The following GALNT2 variants were observed in gnomAD, a reference collection of about 807,000 sequenced individuals.
GALNT2 encodes the protein UDP-GalNAc:polypeptide N-acetylgalactosaminyltransferase 2.
GALNT2 carries 31 observed loss-of-function variants against 81.4 expected under a neutral mutation model. That is an observed-to-expected ratio of 0.38 (90% CI 0.29 to 0.51). The LOEUF (loss-of-function observed/expected upper bound fraction) is 0.51. Ranked by LOEUF, GALNT2 falls within the 20% of genes least tolerant of loss-of-function variation. The pLI is 0.87. For synonymous variants in GALNT2, 303 were observed against 287.4 expected (o/e 1.05, Z -0.55); for missense variants, 629 against 765.7 (o/e 0.82, Z 2.11).
At chr1:230,167,041 C>T (rs992878725) in intron 1 of GALNT2, among the ~76,000 whole-genome samples, 10 of 151,114 alleles carry the variant, frequency 6.6e-5, no homozygotes, top group Non-Finnish European at 1.2e-4. Flanking sequence ...TTTTCCATTT[C>T]GTTTGTAACC....
chr1:230,233,821 A>G (rs1187662224), intron 3 of GALNT2, among the ~76,000 whole-genome samples: 1 of 152,196 alleles, frequency 6.6e-6, no homozygotes, highest in African/African-American at 2.4e-5. Context: ...GAAGGGCCAG[A>G]TGGTTGAAGC....
chr1:230,275,049 A>G lies in GALNT2; in HGVS notation c.1560+485A>G, dbSNP rs151212421. On this transcript the variant is annotated intron_variant, in intron 15 of 15. Transcript: ENST00000366672. This position sits in a 1 kb window ranked among gnomAD's most constrained non-coding sequence, Gnocchi z 5.5. ...ACACGCCACATATATACACATATATACATGCCACATATATACGTATATATA... is the reference window on the plus strand; with the variant it reads ...ACACGCCACATATATACACATATATGCATGCCACATATATACGTATATATA... Among the ~76,000 whole-genome samples the G allele has an allele frequency of 8.3e-4, 126 of 151,556 alleles. No individual in the cohort carries two copies. Among genetic ancestry groups the G allele is most frequent in the African/African-American group, 2.9e-3 (120 of 41,380 alleles).
intron 6 of GALNT2, among the ~76,000 whole-genome samples, chr1:230,240,332 G>A (rs1048153057): frequency 1.3e-5 from 2 of 152,220 alleles, no homozygotes; most frequent in Non-Finnish European, 2.9e-5. Flanking sequence ...AGTGGCTCAC[G>A]CCTGTAATCC....
intron 3 of GALNT2, among the ~76,000 whole-genome samples, chr1:230,215,620 A>G (rs1328773623): frequency 6.6e-6 from 1 of 152,212 alleles, no homozygotes; most frequent in East Asian, 1.9e-4. Context: ...AATAATGTCT[A>G]TCTCGAAGGA....
intron 1 of GALNT2, among the ~76,000 whole-genome samples, chr1:230,094,276 G>A (rs1571954546): frequency 2.1e-5 from 3 of 144,504 alleles, no homozygotes; most frequent in African/African-American, 7.7e-5. Flanking sequence ...CTCTTAAAAT[G>A]CTGGGATTAC....
chr1:230,151,736 G>A (rs773638764), intron 1 of GALNT2, among the ~76,000 whole-genome samples: 3 of 151,756 alleles, frequency 2.0e-5, no homozygotes, highest in Non-Finnish European at 2.9e-5. Context: ...CTTGGATCTC[G>A]CTCAAGAAAG....
At chr1:230,189,951 T>C (rs914714562) in intron 2 of GALNT2, among the ~76,000 whole-genome samples, 2 of 152,226 alleles carry the variant, frequency 1.3e-5, no homozygotes, top group Non-Finnish European at 2.9e-5. Flanking sequence ...TTCACCCATG[T>C]TGTGGGTCAG....
At chr1:230,250,257 G>A (rs983653292) in intron 9 of GALNT2, among the ~76,000 whole-genome samples, 200 bp from the exon 10 acceptor site, 3 of 152,236 alleles carry the variant, frequency 2.0e-5, no homozygotes, top group African/African-American at 7.2e-5. Context: ...AGGGACAGTG[G>A]GGGAGGCATT....
At position 230,255,203 on chromosome 1, in the gene GALNT2, T is replaced by G; in HGVS notation, c.1010-15T>G. ...CAGGCTCTGTCAGTCACCTGTGTCT[T>G]GTTCATCGTCTCAGAGATCTCGTTC... On this transcript the variant is annotated splice_polypyrimidine_tract_variant and intron_variant, in intron 10 of 15. Coordinates refer to ENST00000366672, the MANE Select transcript of GALNT2 (RefSeq NM_004481.5). The G allele has an allele frequency of 6.2e-7, 1 of 1,614,206 alleles. No homozygotes were observed. Among genetic ancestry groups the G allele is most frequent in the Non-Finnish European group, 8.5e-7 (1 of 1,180,034 alleles).
chr1:230,188,981 C>T (rs1204818426), intron 2 of GALNT2, among the ~76,000 whole-genome samples: 6 of 149,130 alleles, frequency 4.0e-5, no homozygotes, highest in Non-Finnish European at 7.4e-5. Context: ...GAGCGGGGGC[C>T]GGAAGAGGAG....
At chr1:230,148,577 T>TC (rs1292796689) in intron 1 of GALNT2, among the ~76,000 whole-genome samples, 1 of 152,154 alleles carries the variant, frequency 6.6e-6, no homozygotes, top group Non-Finnish European at 1.5e-5. Context: ...GGTTTTGTTT[T>TC]CTTTTTTTTT....
At chr1:230,062,419 T>A (rs780257639), upstream of GALNT2, among the ~76,000 whole-genome samples, 8 of 152,224 alleles carry the variant, frequency 5.3e-5, no homozygotes, top group African/African-American at 1.2e-4. Flanking sequence ...AAGTGTATAA[T>A]TCTGTGCCAT....
At chr1:230,140,267 A>G (rs972751363) in intron 1 of GALNT2, among the ~76,000 whole-genome samples, 20 of 152,030 alleles carry the variant, frequency 1.3e-4, no homozygotes, top group African/African-American at 4.8e-4. Flanking sequence ...GAGACAGGTG[A>G]TGGTTAACCA....
chr1:230,073,815 C>T (rs1659446396), intron 1 of GALNT2, among the ~76,000 whole-genome samples: 1 of 152,190 alleles, frequency 6.6e-6, no homozygotes, highest in Admixed American at 6.5e-5. Flanking sequence ...TGGCTGCTTG[C>T]CCTGGTCAAC....
At chr1:230,073,019 C>A (rs1041858607) in intron 1 of GALNT2, among the ~76,000 whole-genome samples, 9 of 152,266 alleles carry the variant, frequency 5.9e-5, no homozygotes, top group Non-Finnish European at 7.4e-5. Flanking sequence ...AATCTTGTGG[C>A]CTTGCCTCTA....
At chr1:230,063,391 GTTT>G (rs1208517823), upstream of GALNT2, among the ~76,000 whole-genome samples, 3 of 151,556 alleles carry the variant, frequency 2.0e-5, no homozygotes, top group East Asian at 5.8e-4. Flanking sequence ...GTTGTGTTTT[GTTT>G]TTTATTTCCA....
chr1:230,214,115 C>CTT (rs60360198), intron 3 of GALNT2, among the ~76,000 whole-genome samples: 2,153 of 145,194 alleles, frequency 0.015, 33 homozygotes, highest in African/African-American at 0.026. Flanking sequence ...CTTAACTTTA[C>CTT]TTTTTTTTTT....
At chr1:230,269,411 C>T (rs1041427500) in intron 14 of GALNT2, among the ~76,000 whole-genome samples, 7 of 152,070 alleles carry the variant, frequency 4.6e-5, no homozygotes, top group East Asian at 1.9e-4. Flanking sequence ...GTCTCGAACT[C>T]GTGACCTCAA....
chr1:230,255,132 G>C, intron 10 of GALNT2, 86 bp from the exon 11 acceptor site: 2 of 1,592,940 alleles, frequency 1.3e-6, no homozygotes, highest in Non-Finnish European at 1.7e-6. Flanking sequence ...ATGGTCAGGG[G>C]GCCTCTGTAC....
Sources: allele counts gnomAD v4.1 joint callset (sites outside exome capture counted in the v4.1 genomes callset), GRCh38; gene constraint gnomAD v4.1.1; non-coding constraint Gnocchi (gnomAD v3.1); transcripts MANE v1.5; gene names NCBI Gene and HGNC (gene_info 2026-07-23, HGNC 2026-07-21).